KREMEN1: variants seen among roughly 807,000 people sequenced by gnomAD.
KREMEN1 encodes the protein kringle containing transmembrane protein 1, also known as kremen protein 1.
KREMEN1 carries 30 observed loss-of-function variants against 46.5 expected under a neutral mutation model. The observed-to-expected ratio is 0.65, with a 90% CI of 0.48 to 0.88. The LOEUF is 0.88. Among genes scored for constraint, KREMEN1 ranks in the 40% least tolerant of loss-of-function variants. The pLI, the probability that KREMEN1 is intolerant of heterozygous loss-of-function variation, is 0.00. For synonymous variants in KREMEN1, 214 were observed against 230.6 expected (o/e 0.93, Z 0.65); for missense variants, 533 against 596.9 (o/e 0.89, Z 1.11).
At chr22:29,160,539 C>CAAAAAAAAA (rs132303) in intron 9 of KREMEN1, among the ~76,000 whole-genome samples, 45 of 103,492 alleles carry the variant, frequency 4.3e-4, no homozygotes, top group African/African-American at 1.5e-3. Flanking sequence ...GACTCCGTCT[C>CAAAAAAAAA]AAAAAAAAAA....
In KREMEN1 at chr22:29,141,946, C is replaced by G. The variant is rs1410461495; in HGVS notation, c.1211C>G (p.Ser404Cys). The change falls in exon 9 of 9, where the codon TCC (serine) becomes TGC (cysteine). Residue 404 changes from serine to cysteine, a missense_variant and splice_region_variant. Transcript: ENST00000400335. ...AAAAATATTTATCTGCTTGACAGATCCCATCGTGTTCCTGCTTCAGGGGAC... is the reference window on the plus strand; with the variant it reads ...AAAAATATTTATCTGCTTGACAGATGCCATCGTGTTCCTGCTTCAGGGGAC... ...AKILLHVTFK[S>C]HRVPASGDLR... is the part of the protein sequence containing the mutation. 6.3e-7 allele frequency: 1 copy of G among 1,593,700 alleles called. No individual in the cohort carries two copies. Among genetic ancestry groups the G allele is most frequent in the South Asian group, 1.1e-5 (1 of 87,624 alleles).
At chr22:29,082,837 G>GT (rs1569311662) in intron 1 of KREMEN1, among the ~76,000 whole-genome samples, 2 of 152,144 alleles carry the variant, frequency 1.3e-5, no homozygotes, top group African/African-American at 4.8e-5. Context: ...TTCGCCTTTT[G>GT]TTTTTGTGTT....
intron 9 of KREMEN1, among the ~76,000 whole-genome samples, chr22:29,158,010 C>G (rs1193685266): frequency 6.6e-6 from 1 of 152,188 alleles, no homozygotes; most frequent in Non-Finnish European, 1.5e-5. Flanking sequence ...ATGTAGTCTT[C>G]CAGTGGGCCA....
intron 9 of KREMEN1, among the ~76,000 whole-genome samples, chr22:29,159,126 T>TTTG (rs1224422333): frequency 0.043 from 1,984 of 46,200 alleles, 78 homozygotes; most frequent in Non-Finnish European, 0.085. Context: ...AGCCAAGTGT[T>TTTG]TTTTTTTTTT....
At position 29,121,500 on chromosome 22, in the gene KREMEN1, T is replaced by G. The variant is rs772534527; in HGVS notation, c.477+19T>G. The G allele has an allele frequency of 6.2e-7, 1 of 1,609,008 alleles. No individual in the cohort carries two copies. Among genetic ancestry groups the G allele is most frequent in the Admixed American group, 1.7e-5 (1 of 58,876 alleles). On this transcript the variant is annotated intron_variant, in intron 4 of 8. Coordinates refer to ENST00000400335, the MANE Select transcript of KREMEN1 (RefSeq NM_001039570.3). ...GTTCAAGGTGATGACTCTGTGGCTG[T>G]GTAACTATAGAAAAATATAAAGATG... is the stretch of plus-strand genomic sequence containing the variant.
chr22:29,089,236 C>A (rs1463844325), intron 1 of KREMEN1, among the ~76,000 whole-genome samples: 2 of 152,164 alleles, frequency 1.3e-5, no homozygotes, highest in African/African-American at 2.4e-5. Context: ...TTTAACCTAT[C>A]CAAAACCAAA....
chr22:29,133,663 TG>T (rs1165045841), intron 5 of KREMEN1, among the ~76,000 whole-genome samples: 1 of 151,992 alleles, frequency 6.6e-6, no homozygotes, highest in African/African-American at 2.4e-5. Context: ...TTTTTTTGTT[TG>T]TTTTTTTTGC....
Position 29,122,038 on chromosome 22 carries a change from C to G in KREMEN1, c.477+557C>G, listed in dbSNP as rs114794822. Among the ~76,000 whole-genome samples the G allele has an allele frequency of 4.4e-3, 677 of 152,152 alleles. 4 individuals carry two copies. Among genetic ancestry groups the G allele is most frequent in the African/African-American group, 0.016 (650 of 41,496 alleles). On this transcript the variant is annotated intron_variant, in intron 4 of 8. Transcript: ENST00000400335. ...AAGAATATGAAAGGCAGACCACAGA[C>G]TAGGAGAAAGTAGTTGTTAAATATA... is the stretch of plus-strand genomic sequence containing the variant.
Position 29,100,334 on chromosome 22 carries a change from G to A in KREMEN1, c.352+1381G>A, listed in dbSNP as rs186854868. Reference sequence around the variant, plus strand: ...TTCTCCATGTGGTCAGGCTGGTCTTGAACTCCTGACCTCAGGTGATCCGCC... The same window carrying A: ...TTCTCCATGTGGTCAGGCTGGTCTTAAACTCCTGACCTCAGGTGATCCGCC... On this transcript the variant is annotated intron_variant, in intron 3 of 8. Coordinates refer to ENST00000400335, the MANE Select transcript of KREMEN1 (RefSeq NM_001039570.3). Among the ~76,000 whole-genome samples the A allele has an allele frequency of 9.5e-3, 1,439 of 151,996 alleles. 19 individuals carry two copies. The highest frequency in any genetic ancestry group is 0.033 in the African/African-American group (1,376 of 41,462).
rs950202014 is a variant in KREMEN1, at chr22:29,143,514, G to A, written c.*1402G>A. ...TCCCAGCACTTTGGGAGGCTGAGGC[G>A]GGTGGATCACGAGGTCAGGTGATCG... On this transcript the variant is annotated 3_prime_UTR_variant, in exon 9 of 9. Coordinates refer to ENST00000400335, the MANE Select transcript of KREMEN1 (RefSeq NM_001039570.3). 8 of 942,732 alleles carry A rather than the reference G, an allele frequency of 8.5e-6. No homozygotes were observed. Among genetic ancestry groups the A allele is most frequent in the Non-Finnish European group, 7.6e-6 (6 of 791,188 alleles). 58.4% of individuals were successfully genotyped at this position (942,732 alleles called of 1,614,324 possible).
chr22:29,155,362 C>T (rs1049164502), intron 9 of KREMEN1, among the ~76,000 whole-genome samples: 5 of 152,026 alleles, frequency 3.3e-5, no homozygotes, highest in Non-Finnish European at 5.9e-5. Context: ...TGGCAAAACC[C>T]GGTGTCTACA....
chr22:29,138,809 G>A lies in KREMEN1; in HGVS notation c.1123+27G>A, dbSNP rs1199203650. 1.9e-6 allele frequency: 3 copies of A among 1,614,086 alleles called. No homozygotes were observed. The African/African-American group carries it at 4.0e-5, about 22-fold the overall frequency. On this transcript the variant is annotated intron_variant, in intron 7 of 8. Transcript: ENST00000400335. ...TAGCAATTCCTGGGCGCCACCCATG[G>A]GGGCTGGAAGCCACAGAGTTGAAGG...
At chr22:29,088,485 C>T (rs1475326032) in intron 1 of KREMEN1, among the ~76,000 whole-genome samples, 1 of 152,078 alleles carries the variant, frequency 6.6e-6, no homozygotes, top group Non-Finnish European at 1.5e-5. Flanking sequence ...CACACCACCA[C>T]GCTTGGCTAA....
chr22:29,140,221 G>T, intron 7 of KREMEN1, 61 bp from the exon 8 acceptor site: 1 of 1,342,276 alleles, frequency 7.5e-7, no homozygotes, highest in South Asian at 1.2e-5. Flanking sequence ...TATTCCAGCC[G>T]ACCTCCTTTC....
chr22:29,125,199 G>C (rs1383294388), intron 4 of KREMEN1, 64 bp from the exon 5 acceptor site: 24 of 1,576,872 alleles, frequency 1.5e-5, no homozygotes, highest in Non-Finnish European at 1.9e-5. Context: ...ACCCTGCCAG[G>C]CTCCTTCAGG....
chr22:29,083,639 C>G (rs2037689442), intron 1 of KREMEN1, among the ~76,000 whole-genome samples: 1 of 152,158 alleles, frequency 6.6e-6, no homozygotes, highest in Admixed American at 6.5e-5. Context: ...TGAGACCAGC[C>G]TGGCGAACAT....
rs547816074 is a variant in KREMEN1 at position 29,122,041 on chromosome 22, G to A, written c.477+560G>A. Among the ~76,000 whole-genome samples, 70 of 152,198 alleles carry A rather than the reference G, an allele frequency of 4.6e-4. No homozygotes were observed. In the South Asian group the frequency reaches 0.014, roughly 31 times the overall value. On this transcript the variant is annotated intron_variant, in intron 4 of 8. Coordinates refer to ENST00000400335, the MANE Select transcript of KREMEN1 (RefSeq NM_001039570.3). ...AATATGAAAGGCAGACCACAGACTAGGAGAAAGTAGTTGTTAAATATATAT... is the reference window on the plus strand; with the variant it reads ...AATATGAAAGGCAGACCACAGACTAAGAGAAAGTAGTTGTTAAATATATAT...
Position 29,145,252 on chromosome 22 carries a change from G to T in KREMEN1, c.*3140G>T. On this transcript the variant is annotated 3_prime_UTR_variant, in exon 9 of 9. Transcript: ENST00000400335. ...TAGGAAACTCCTTAGATGAGATAAA[G>T]TGGGGGTTGGAGGTGGCGAAAAGAG... is the stretch of plus-strand genomic sequence containing the variant. 1 of 985,648 alleles carries T rather than the reference G, an allele frequency of 1.0e-6. No individual in the cohort carries two copies. Among genetic ancestry groups the T allele is most frequent in the Non-Finnish European group, 1.2e-6 (1 of 830,030 alleles). The allele number at this position is 985,648 out of a possible 1,614,324, so 61.1% of individuals were successfully genotyped here. A position where few individuals can be genotyped will look rare whatever the true frequency, so the allele number is the denominator to read the frequency against.
intron 9 of KREMEN1, among the ~76,000 whole-genome samples, chr22:29,165,488 G>A (rs958069024): frequency 6.6e-6 from 1 of 152,160 alleles, no homozygotes; most frequent in African/African-American, 2.4e-5. Flanking sequence ...CAGTATGGGA[G>A]GTGACCGTAC....
Sources: allele counts gnomAD v4.1 joint callset (sites outside exome capture counted in the v4.1 genomes callset), GRCh38; gene constraint gnomAD v4.1.1; transcripts MANE v1.5; gene names NCBI Gene and HGNC (gene_info 2026-07-23, HGNC 2026-07-21).